The following SEMA6A variants were observed in gnomAD, a reference collection of about 807,000 sequenced individuals.
The protein encoded by SEMA6A is semaphorin 6A, also known as semaphorin-6A.
In SEMA6A, 25 loss-of-function variants were observed where a neutral mutation model predicts 96.8. The observed-to-expected ratio is 0.26, with a 90% CI of 0.19 to 0.36. SEMA6A has a LOEUF of 0.36. Among genes scored for constraint, SEMA6A ranks in the 10% least tolerant of loss-of-function variants. SEMA6A has a pLI of 1.00. For missense variants in SEMA6A, 1,363 were observed against 1,323.1 expected (o/e 1.03, Z -0.47); for synonymous variants, 612 against 518.0 (o/e 1.18, Z -2.46).
At chr5:116,565,439 C>T (rs934925578) in intron 1 of SEMA6A, among the ~76,000 whole-genome samples, 10 of 152,162 alleles carry the variant, frequency 6.6e-5, no homozygotes, top group South Asian at 2.1e-4. Context: ...AAGATCCCAG[C>T]GACAGTGTCT....
intron 1 of SEMA6A, among the ~76,000 whole-genome samples, chr5:116,536,827 T>C (rs1049413529): frequency 1.5e-5 from 2 of 132,538 alleles, no homozygotes; most frequent in African/African-American, 5.9e-5. Flanking sequence ...AGCCTCTGAA[T>C]GGTCGAAAAG....
chr5:116,511,236 A>G (rs1054032036), intron 1 of SEMA6A, among the ~76,000 whole-genome samples: 1 of 152,230 alleles, frequency 6.6e-6, no homozygotes, highest in Non-Finnish European at 1.5e-5. Context: ...ACATAATACA[A>G]TGTAAATGCT....
rs552244528 is a variant in SEMA6A, at chr5:116,447,572, T to G, written c.2134A>C (p.Thr712Pro). 3 of 1,614,018 alleles carry G rather than the reference T, an allele frequency of 1.9e-6. No individual in the cohort carries two copies. The highest frequency in any genetic ancestry group is 2.5e-6 in the Non-Finnish European group (3 of 1,179,890). ...VTKLSGLFGDTQSKDPKPEAI... is the reference protein window; with the variant it reads ...VTKLSGLFGDPQSKDPKPEAI... ...TCCGGCTTTGGGTCTTTGGATTGAG[T>G]GTCCCCAAAGAGGCCGCTGAGCTTG... is the stretch of plus-strand genomic sequence containing the variant. Residue 712 changes from threonine (T) to proline (P), a missense_variant, in exon 19 of 19, where the codon ACT (threonine) becomes CCT (proline). This residue lies in a region of SEMA6A where 883 missense variants were observed against 763.6 expected (regional missense o/e 1.16). Transcript: ENST00000343348.
chr5:116,465,483 A>G (rs910122880), intron 18 of SEMA6A, among the ~76,000 whole-genome samples: 2 of 152,204 alleles, frequency 1.3e-5, no homozygotes, highest in African/African-American at 2.4e-5. Flanking sequence ...ACAGAAAAGA[A>G]ACTCAAATTT....
At chr5:116,493,229 T>C (rs1293289591) in intron 6 of SEMA6A, among the ~76,000 whole-genome samples, 1 of 152,228 alleles carries the variant, frequency 6.6e-6, no homozygotes, top group Non-Finnish European at 1.5e-5. Flanking sequence ...AGAAAACCTG[T>C]ACTTTGTCAT....
At chr5:116,529,264 T>A (rs1561519570) in intron 1 of SEMA6A, among the ~76,000 whole-genome samples, 2 of 152,176 alleles carry the variant, frequency 1.3e-5, no homozygotes, top group Non-Finnish European at 2.9e-5. Flanking sequence ...GAGAGCTTGC[T>A]AGAGGTTGGT....
chr5:116,509,379 T>C (rs10040351), intron 1 of SEMA6A, among the ~76,000 whole-genome samples: 11,747 of 152,212 alleles, frequency 0.077, 502 homozygotes, highest in Middle Eastern at 0.1. Context: ...TTTTCTAATA[T>C]CATATGAAGT....
At chr5:116,562,521 C>A in intron 1 of SEMA6A, 2 of 512,408 alleles carry the variant, frequency 3.9e-6, no homozygotes, top group African/African-American at 2.0e-5. Context: ...AAAAATAAGG[C>A]CCACTCTTTC....
rs116482998 is a variant in SEMA6A, at chr5:116,506,012, T to G, written c.-38-1030A>C. ...CATCTTTCCAGAGCAGTAAACTCTTTGAAGTACCTGCCAAAGATTATCTTT... is the reference window on the plus strand; with the variant it reads ...CATCTTTCCAGAGCAGTAAACTCTTGGAAGTACCTGCCAAAGATTATCTTT... On this transcript the variant is annotated intron_variant, in intron 1 of 18. Coordinates refer to ENST00000343348, the MANE Select transcript of SEMA6A (RefSeq NM_020796.5). 8.5e-3 allele frequency among the ~76,000 whole-genome samples: 1,294 copies of G among 152,364 alleles called. 16 individuals carry two copies. Among genetic ancestry groups the G allele is most frequent in the African/African-American group, 0.029 (1,201 of 41,576 alleles).
intron 1 of SEMA6A, among the ~76,000 whole-genome samples, chr5:116,564,836 A>G (rs1356548035): frequency 1.3e-5 from 2 of 152,352 alleles, no homozygotes; most frequent in Admixed American, 1.3e-4. Flanking sequence ...ATACAGTAAA[A>G]TGGTCTCTAG....
intron 1 of SEMA6A, among the ~76,000 whole-genome samples, chr5:116,565,020 T>G (rs1022562055): frequency 6.6e-6 from 1 of 152,242 alleles, no homozygotes; most frequent in South Asian, 2.1e-4. Context: ...TTAAGCAAAG[T>G]CATGAATGGC....
At position 116,486,865 on chromosome 5, in the gene SEMA6A, G is replaced by A. The variant is rs193183280; in HGVS notation, c.846C>T (p.Asn282=). The A allele has an allele frequency of 8.1e-5, 130 of 1,613,866 alleles. 1 individual carries two copies. Among genetic ancestry groups the A allele is most frequent in the South Asian group, 2.2e-5 (2 of 91,078 alleles). ...AATGAGAGTCTCCAGGAACTGAGCAGTTCAAGCGCGCCTTCAGGAACGACG... is the reference window on the plus strand; with the variant it reads ...AATGAGAGTCTCCAGGAACTGAGCAATTCAAGCGCGCCTTCAGGAACGACG... The part of the protein sequence containing the change: ...QWTSFLKARL[N]CSVPGDSHFY... Residue 282 remains asparagine (N), a synonymous_variant, in exon 10 of 19, where the codon AAC becomes AAT. Coordinates refer to ENST00000343348, the MANE Select transcript of SEMA6A (RefSeq NM_020796.5).
At chr5:116,487,981 C>T in intron 9 of SEMA6A, 127 bp downstream of exon 9, 2 of 557,692 alleles carry the variant, frequency 3.6e-6, no homozygotes, top group Non-Finnish European at 6.4e-6. Flanking sequence ...GCAGATAGGG[C>T]CTCCAGACCG....
chr5:116,450,812 A>G (rs956623105), intron 18 of SEMA6A, among the ~76,000 whole-genome samples: 1 of 152,170 alleles, frequency 6.6e-6, no homozygotes, highest in Non-Finnish European at 1.5e-5. Context: ...GTAAATTCAG[A>G]AACGTCCAAA....
intron 1 of SEMA6A, chr5:116,563,024 A>C: frequency 4.0e-6 from 2 of 496,144 alleles, no homozygotes; most frequent in East Asian, 4.9e-5. Context: ...ACAAGACAAG[A>C]CTCCTCAAAA....
At chr5:116,557,365 C>T (rs1760647890) in intron 1 of SEMA6A, among the ~76,000 whole-genome samples, 1 of 152,228 alleles carries the variant, frequency 6.6e-6, no homozygotes, top group South Asian at 2.1e-4. Flanking sequence ...GCATGAGACA[C>T]CACTCCTGGC....
At chr5:116,468,409 C>A (rs1330715076) in intron 17 of SEMA6A, 1 of 152,214 alleles carries the variant, frequency 6.6e-6, no homozygotes, top group Non-Finnish European at 1.5e-5. Context: ...GAGGCTTCAA[C>A]GGCTACACGC....
chr5:116,513,443 C>G (rs1758514324), intron 1 of SEMA6A, among the ~76,000 whole-genome samples: 1 of 152,026 alleles, frequency 6.6e-6, no homozygotes, highest in Non-Finnish European at 1.5e-5. Context: ...CTAATTTTTA[C>G]CTCTTAATCT....
intron 10 of SEMA6A, among the ~76,000 whole-genome samples, chr5:116,483,266 T>C (rs1756880941): frequency 6.6e-6 from 1 of 152,230 alleles, no homozygotes; most frequent in Non-Finnish European, 1.5e-5. Context: ...GACTTAGGCT[T>C]CTTTTTTTAA....
Sources: gnomAD v4.1 joint callset for allele counts (sites outside exome capture counted in the v4.1 genomes callset) on GRCh38, gnomAD v4.1.1 for gene constraint, gnomAD v4.1.1 regional missense constraint, MANE v1.5 for transcripts, NCBI Gene and HGNC (gene_info 2026-07-23, HGNC 2026-07-21) for gene names.